The following NKAIN2 variants were observed in gnomAD, a reference collection of about 807,000 sequenced individuals.
The protein encoded by NKAIN2 is sodium/potassium-transporting ATPase subunit beta-1-interacting protein 2.
Under a neutral mutation model 32.6 loss-of-function variants are expected in NKAIN2, and 14 were observed. That is an observed-to-expected ratio of 0.43 (90% CI 0.28 to 0.67). The LOEUF (loss-of-function observed/expected upper bound fraction) is 0.67, where lower values mean the gene tolerates loss of function less well. Among genes scored for constraint, NKAIN2 ranks in the 30% least tolerant of loss-of-function variants. The pLI is 0.17. For synonymous variants in NKAIN2, 80 were observed against 87.2 expected, an observed-to-expected ratio of 0.92 and a Z score of 0.46; for missense variants, 198 against 258.3, an observed-to-expected ratio of 0.77 and a Z score of 1.60.
chr6:124,331,528 CA>C (rs764118499), intron 2 of NKAIN2, among the ~76,000 whole-genome samples: 15,003 of 67,038 alleles, frequency 0.22, 439 homozygotes, highest in African/African-American at 0.29. Flanking sequence ...GACTCCGTCT[CA>C]AAAAAAAAAA....
chr6:123,842,851 C>CGA (rs1562213487), intron 1 of NKAIN2, among the ~76,000 whole-genome samples: 5 of 152,046 alleles, frequency 3.3e-5, no homozygotes, highest in African/African-American at 1.2e-4. Flanking sequence ...GAGGCTCCTT[C>CGA]CTCTTATCTG....
chr6:124,298,124 A>G (rs2753161), intron 2 of NKAIN2, among the ~76,000 whole-genome samples: 26,116 of 152,106 alleles, frequency 0.17, 4,458 homozygotes, highest in African/African-American at 0.44. Flanking sequence ...CTGAAACTCA[A>G]TAGCAATAAC....
At chr6:123,900,014 G>A (rs938855008) in intron 1 of NKAIN2, among the ~76,000 whole-genome samples, 1 of 152,108 alleles carries the variant, frequency 6.6e-6, no homozygotes, top group Non-Finnish European at 1.5e-5. Flanking sequence ...TTACCTGTTG[G>A]CCTGGAACCC....
intron 3 of NKAIN2, among the ~76,000 whole-genome samples, chr6:124,434,906 A>G (rs1342222614): frequency 1.3e-5 from 2 of 152,178 alleles, no homozygotes; most frequent in African/African-American, 4.8e-5. Context: ...AAGACAATAC[A>G]AATTTTGAGT....
intron 2 of NKAIN2, among the ~76,000 whole-genome samples, chr6:124,299,803 T>C (rs1796224482): frequency 6.6e-6 from 1 of 152,248 alleles, no homozygotes; most frequent in South Asian, 2.1e-4. Flanking sequence ...TACGAAAATG[T>C]ATGGAAATGT....
At chr6:124,319,891 A>T (rs1797102418) in intron 2 of NKAIN2, among the ~76,000 whole-genome samples, 1 of 152,112 alleles carries the variant, frequency 6.6e-6, no homozygotes, top group African/African-American at 2.4e-5. Flanking sequence ...TACAAGTCTA[A>T]TTAGTATCAT....
At chr6:124,136,947 G>A (rs1459169650) in intron 1 of NKAIN2, among the ~76,000 whole-genome samples, 1 of 151,990 alleles carries the variant, frequency 6.6e-6, no homozygotes, top group Non-Finnish European at 1.5e-5. Flanking sequence ...CTGAGAATTA[G>A]AATGTGACAA....
At chr6:123,839,570 A>G (rs1448815995) in intron 1 of NKAIN2, among the ~76,000 whole-genome samples, 3 of 152,080 alleles carry the variant, frequency 2.0e-5, no homozygotes, top group Admixed American at 6.6e-5. Flanking sequence ...TAATAGCCCA[A>G]TCTTTTTCTA....
intron 2 of NKAIN2, among the ~76,000 whole-genome samples, chr6:124,319,926 G>A (rs1043269841): frequency 5.3e-5 from 8 of 152,100 alleles, no homozygotes; most frequent in African/African-American, 1.9e-4. Flanking sequence ...AGAGAAATTA[G>A]TAGCCATAAA....
chr6:124,265,254 T>C (rs1430938679), intron 1 of NKAIN2, among the ~76,000 whole-genome samples: 2 of 152,166 alleles, frequency 1.3e-5, no homozygotes, highest in African/African-American at 4.8e-5. Context: ...ATTAGGTTCA[T>C]GTTTGCTATC....
chr6:124,267,579 T>C (rs1459442632), intron 1 of NKAIN2, among the ~76,000 whole-genome samples: 2 of 151,220 alleles, frequency 1.3e-5, no homozygotes, highest in Non-Finnish European at 2.9e-5. Context: ...AATGGTATAA[T>C]ACAGTGGATA....
chr6:123,937,601 C>A (rs115555651), intron 1 of NKAIN2, among the ~76,000 whole-genome samples: 189 of 152,206 alleles, frequency 1.2e-3, no homozygotes, highest in African/African-American at 4.4e-3. Flanking sequence ...ATAAATTACA[C>A]ATTAAGGACT....
chr6:123,807,766 CAT>C (rs1773280662), intron 1 of NKAIN2, among the ~76,000 whole-genome samples: 1 of 152,068 alleles, frequency 6.6e-6, no homozygotes, highest in South Asian at 2.1e-4. Flanking sequence ...TGGCACAAAA[CAT>C]GTCATAAACT....
In NKAIN2 at chr6:124,212,374, G is replaced by A. The variant is rs777597595; in HGVS notation, c.55-70631G>A. Among the ~76,000 whole-genome samples, 7 of 152,052 alleles carry A rather than the reference G, an allele frequency of 4.6e-5. No homozygotes were observed. In the East Asian group the frequency reaches 7.7e-4, roughly 17 times the overall value. Reference sequence around the variant, plus strand: ...TAGTGAAACTGAAGCCTTAATTAGCGACAGGCATTATAGACAATGCTTAGA... The same window carrying A: ...TAGTGAAACTGAAGCCTTAATTAGCAACAGGCATTATAGACAATGCTTAGA... On this transcript the variant is annotated intron_variant, in intron 1 of 6. Transcript: ENST00000368417.
chr6:124,247,298 A>C (rs1793458600), intron 1 of NKAIN2, among the ~76,000 whole-genome samples: 1 of 152,124 alleles, frequency 6.6e-6, no homozygotes, highest in African/African-American at 2.4e-5. Context: ...GTGTGTGAGT[A>C]TATGTTTGTG....
At chr6:124,760,498 A>G (rs974410850) in intron 4 of NKAIN2, among the ~76,000 whole-genome samples, 1 of 152,136 alleles carries the variant, frequency 6.6e-6, no homozygotes, top group Admixed American at 6.5e-5. Context: ...ATTTAAAAAA[A>G]GCTTCCAGGC....
chr6:124,641,530 C>CTTT (rs755033671), intron 3 of NKAIN2, among the ~76,000 whole-genome samples: 531 of 19,530 alleles, frequency 0.027, 238 homozygotes, highest in Non-Finnish European at 0.047. Context: ...AAAACACTAG[C>CTTT]TTTTTTTTTT....
intron 2 of NKAIN2, among the ~76,000 whole-genome samples, chr6:124,316,909 T>A (rs1003588733): frequency 4.6e-5 from 7 of 152,114 alleles, no homozygotes; most frequent in African/African-American, 1.7e-4. Flanking sequence ...AGCATCATTA[T>A]ATATTAAATG....
At chr6:124,057,155 C>G (rs1203540171) in intron 1 of NKAIN2, among the ~76,000 whole-genome samples, 5 of 151,992 alleles carry the variant, frequency 3.3e-5, no homozygotes, top group African/African-American at 9.7e-5. Context: ...ATAGCTAAAT[C>G]AGGGACTTGT....
Sources: allele counts gnomAD v4.1 joint callset (sites outside exome capture counted in the v4.1 genomes callset), GRCh38; gene constraint gnomAD v4.1.1; transcripts MANE v1.5; gene names NCBI Gene and HGNC (gene_info 2026-07-23, HGNC 2026-07-21).